Variants in CTNNA2 observed in about 807,000 individuals in gnomAD.
The protein encoded by CTNNA2 is catenin alpha-2.
A neutral mutation model predicts 101.0 loss-of-function variants in CTNNA2; 42 were observed. The ratio of observed to expected loss-of-function variants is 0.42; its 90% CI spans 0.32 to 0.54. CTNNA2 has a LOEUF of 0.54. Among genes scored for constraint, CTNNA2 ranks in the 20% least tolerant of loss-of-function variants. The probability of loss-of-function intolerance (pLI) is 0.14; values close to 1 mark genes in which losing one functional copy is unlikely to be tolerated. For missense variants in CTNNA2, 871 were observed against 1,223.1 expected (o/e 0.71, Z 4.29); for synonymous variants, 450 against 456.4 (o/e 0.99, Z 0.18).
At chr2:80,064,742 G>A (rs906150825) in intron 7 of CTNNA2, among the ~76,000 whole-genome samples, 1 of 152,194 alleles carries the variant, frequency 6.6e-6, no homozygotes, top group African/African-American at 2.4e-5. Context: ...CAATGTGCAG[G>A]CACTTTCCAA....
chr2:79,432,647 T>G (rs75586395), intron 4 of CTNNA2, among the ~76,000 whole-genome samples: 3,355 of 152,266 alleles, frequency 0.022, 53 homozygotes, highest in African/African-American at 0.043. Flanking sequence ...AACTTTCACA[T>G]TTAAAGATCA....
At chr2:80,258,949 G>A (rs1227678070) in intron 7 of CTNNA2, among the ~76,000 whole-genome samples, 2 of 152,138 alleles carry the variant, frequency 1.3e-5, no homozygotes. Flanking sequence ...TACTTCTACA[G>A]AGAAGGAGGC....
intron 7 of CTNNA2, among the ~76,000 whole-genome samples, chr2:80,079,534 G>T (rs920617744): frequency 6.6e-6 from 1 of 152,218 alleles, no homozygotes; most frequent in African/African-American, 2.4e-5. Context: ...AATGAGTCCG[G>T]CTGGGCGCAG....
rs1199869102 is a variant in CTNNA2 at position 79,852,069 on chromosome 2, CA to C, written c.299-5943del. Among the ~76,000 whole-genome samples, 42 of 152,002 alleles carry C rather than the reference CA, an allele frequency of 2.8e-4. 1 individual carries two copies. The highest frequency in any genetic ancestry group is 1.0e-3 in the African/African-American group (42 of 41,372). On this transcript the variant is annotated intron_variant, in intron 3 of 18. Coordinates refer to ENST00000402739, the MANE Select transcript of CTNNA2 (RefSeq NM_001282597.3). ...CATCTTTTCTAAGAATTCTGTAATA[CA>C]GGGAGAAATATAAAAAACATGAACT... is the stretch of plus-strand genomic sequence containing the variant.
intron 1 of CTNNA2, among the ~76,000 whole-genome samples, chr2:79,630,782 A>G (rs2104355863): frequency 6.6e-6 from 1 of 152,368 alleles, no homozygotes; most frequent in Non-Finnish European, 1.5e-5. Flanking sequence ...CATCAATTCC[A>G]GACACACACA....
intron 7 of CTNNA2, among the ~76,000 whole-genome samples, chr2:80,306,934 CAAGA>C (rs1433334397): frequency 2.0e-5 from 3 of 151,884 alleles, no homozygotes; most frequent in East Asian, 1.9e-4. Flanking sequence ...TGAGTGTTGG[CAAGA>C]AAGAAAGGGA....
intron 9 of CTNNA2, among the ~76,000 whole-genome samples, chr2:80,529,052 A>T (rs542569329): frequency 6.6e-6 from 1 of 152,194 alleles, no homozygotes; most frequent in South Asian, 2.1e-4. Flanking sequence ...GGCTTCCTTG[A>T]TCAGTGGCAA....
At chr2:80,632,042 C>A (rs1413965619) in intron 18 of CTNNA2, among the ~76,000 whole-genome samples, 1 of 152,048 alleles carries the variant, frequency 6.6e-6, no homozygotes, top group East Asian at 1.9e-4. Flanking sequence ...ATGCATAAGA[C>A]CACCTGACTG....
At chr2:80,029,063 G>A (rs865841142) in intron 7 of CTNNA2, among the ~76,000 whole-genome samples, 1 of 152,182 alleles carries the variant, frequency 6.6e-6, no homozygotes, top group Non-Finnish European at 1.5e-5. Flanking sequence ...TTTGAACTGA[G>A]TCCAAACAAT....
intron 9 of CTNNA2, among the ~76,000 whole-genome samples, chr2:80,536,717 C>T (rs1691057025): frequency 6.6e-6 from 1 of 152,214 alleles, no homozygotes; most frequent in African/African-American, 2.4e-5. Flanking sequence ...CTAATTGAAG[C>T]TCAGCCTTCC....
intron 7 of CTNNA2, among the ~76,000 whole-genome samples, chr2:79,946,418 A>G (rs1249923574): frequency 6.6e-6 from 1 of 152,184 alleles, no homozygotes; most frequent in Non-Finnish European, 1.5e-5. Context: ...CTGAGAGTCT[A>G]TTACTTTAAA....
intron 6 of CTNNA2, 95 bp downstream of exon 6, chr2:79,874,437 A>G (rs1389611869): frequency 9.9e-6 from 14 of 1,421,286 alleles, no homozygotes; most frequent in African/African-American, 1.4e-5. Context: ...AATAATTTAC[A>G]TTGATTTTTC....
intron 9 of CTNNA2, among the ~76,000 whole-genome samples, chr2:80,532,098 C>A (rs946219982): frequency 2.0e-5 from 3 of 152,096 alleles, no homozygotes; most frequent in Non-Finnish European, 4.4e-5. Context: ...GACCAAAGAA[C>A]TTTTAGATAG....
At chr2:80,529,541 T>C (rs1355577132) in intron 9 of CTNNA2, among the ~76,000 whole-genome samples, 2 of 152,202 alleles carry the variant, frequency 1.3e-5, no homozygotes, top group Non-Finnish European at 2.9e-5. Context: ...TAGCCCTCTT[T>C]TGTTCTCTCC....
chr2:80,021,325 C>T (rs1236264004), intron 7 of CTNNA2, among the ~76,000 whole-genome samples: 1 of 151,972 alleles, frequency 6.6e-6, no homozygotes, highest in East Asian at 1.9e-4. Flanking sequence ...CGGACTAATC[C>T]TTTATTTTTA....
intron 7 of CTNNA2, among the ~76,000 whole-genome samples, chr2:79,913,322 C>T (rs1459413494): frequency 6.6e-6 from 1 of 152,134 alleles, no homozygotes; most frequent in Non-Finnish European, 1.5e-5. Context: ...AGGTCAAGGG[C>T]CTTGCTGTGA....
At chr2:80,577,923 CAG>C (rs1375623199) in intron 13 of CTNNA2, among the ~76,000 whole-genome samples, 1 of 152,286 alleles carries the variant, frequency 6.6e-6, no homozygotes, top group East Asian at 1.9e-4. Context: ...CTGAAGGATT[CAG>C]AGTCATTTCA....
chr2:80,216,589 T>C (rs896157296), intron 7 of CTNNA2, among the ~76,000 whole-genome samples: 2 of 152,116 alleles, frequency 1.3e-5, no homozygotes, highest in African/African-American at 4.8e-5. Context: ...ATCTCTCTTT[T>C]TACCATGTGA....
At chr2:80,220,491 A>G (rs527236782) in intron 7 of CTNNA2, among the ~76,000 whole-genome samples, 179 of 152,306 alleles carry the variant, frequency 1.2e-3, no homozygotes, top group African/African-American at 4.3e-3. Flanking sequence ...GGAGGCCAAG[A>G]CTGGAGGACT....
Sources: allele counts gnomAD v4.1 joint callset (sites outside exome capture counted in the v4.1 genomes callset), GRCh38; gene constraint gnomAD v4.1.1; transcripts MANE v1.5; gene names NCBI Gene and HGNC (gene_info 2026-07-23, HGNC 2026-07-21).